The following MPPED2 variants were observed in gnomAD, a reference collection of about 807,000 sequenced individuals.
The protein encoded by MPPED2 is metallophosphoesterase MPPED2.
In MPPED2, 5 loss-of-function variants were observed where a neutral mutation model predicts 33.0. That is an observed-to-expected ratio of 0.15 (90% CI 0.08 to 0.32). The LOEUF is 0.32. Ranked by LOEUF, MPPED2 falls within the 10% of genes least tolerant of loss-of-function variation. The probability of loss-of-function intolerance (pLI) is 1.00; values close to 1 mark genes in which losing one functional copy is unlikely to be tolerated. For missense variants in MPPED2, 275 were observed against 372.1 expected, an observed-to-expected ratio of 0.74 and a Z score of 2.15; for synonymous variants, 136 against 141.9, an observed-to-expected ratio of 0.96 and a Z score of 0.29.
intron 3 of MPPED2, among the ~76,000 whole-genome samples, chr11:30,513,974 C>A (rs935528605): frequency 2.2e-4 from 34 of 152,144 alleles, no homozygotes; most frequent in Non-Finnish European, 4.6e-4. Flanking sequence ...TCTAGGAAGA[C>A]CATAGGCTAC....
At chr11:30,566,317 A>G (rs1005558598) in intron 2 of MPPED2, among the ~76,000 whole-genome samples, 4 of 152,204 alleles carry the variant, frequency 2.6e-5, no homozygotes, top group African/African-American at 9.6e-5. Context: ...AAAGAACAAT[A>G]TAGAAAACCC....
intron 2 of MPPED2, among the ~76,000 whole-genome samples, chr11:30,572,789 A>C (rs940795373): frequency 9.2e-5 from 14 of 152,132 alleles, no homozygotes; most frequent in African/African-American, 2.4e-5. Flanking sequence ...TTCTCTCACC[A>C]CCATATCCCA....
intron 3 of MPPED2, among the ~76,000 whole-genome samples, chr11:30,523,837 A>G (rs1954009379): frequency 6.6e-6 from 1 of 152,160 alleles, no homozygotes; most frequent in Non-Finnish European, 1.5e-5. Context: ...AAGAGGTAAA[A>G]TAAGAAGACC....
chr11:30,427,627 T>C (rs2133825114), intron 4 of MPPED2, among the ~76,000 whole-genome samples: 1 of 118,022 alleles, frequency 8.5e-6, no homozygotes, highest in East Asian at 2.3e-4. Context: ...CATGAAGAGT[T>C]TGTAAGTTCA....
intron 2 of MPPED2, among the ~76,000 whole-genome samples, chr11:30,577,987 G>C (rs1340881037): frequency 2.0e-5 from 3 of 152,288 alleles, no homozygotes; most frequent in African/African-American, 7.2e-5. Context: ...CAGATAGGCA[G>C]ATAGATAGAT....
intron 1 of MPPED2, among the ~76,000 whole-genome samples, chr11:30,583,798 G>A (rs1222733027): frequency 1.3e-5 from 2 of 152,100 alleles, no homozygotes; most frequent in Admixed American, 6.5e-5. Flanking sequence ...TATGAGAAAA[G>A]AGCCCGCGGT....
chr11:30,451,911 T>G, intron 4 of MPPED2: 1 of 985,388 alleles, frequency 1.0e-6, no homozygotes, highest in Non-Finnish European at 1.2e-6. Context: ...GGGCAAGTCA[T>G]TTAACCTTGA....
At chr11:30,550,423 G>A (rs1188607195) in intron 2 of MPPED2, among the ~76,000 whole-genome samples, 1 of 152,196 alleles carries the variant, frequency 6.6e-6, no homozygotes, top group African/African-American at 2.4e-5. Context: ...CAGAGCCAAA[G>A]CCCGTCAGTA....
At chr11:30,509,224 C>T (rs1039267898) in intron 3 of MPPED2, among the ~76,000 whole-genome samples, 2 of 151,902 alleles carry the variant, frequency 1.3e-5, no homozygotes, top group Non-Finnish European at 2.9e-5. Context: ...AGAAGTTGGC[C>T]CACCTGTAGT....
In MPPED2 at chr11:30,495,665, T is replaced by C. The variant is rs141739755; in HGVS notation, c.311-144A>G. 3 of 633,606 alleles carry C rather than the reference T, an allele frequency of 4.7e-6. No homozygotes were observed. The East Asian group carries it at 8.2e-5, about 17-fold the overall frequency. The allele number at this position is 633,606 out of a possible 1,614,324, so 39.2% of individuals were successfully genotyped here. ...ACATTTCCATGTGAACTGGAATTTATGACTACTACTTTATGCTAACAAAAA... is the reference window on the plus strand; with the variant it reads ...ACATTTCCATGTGAACTGGAATTTACGACTACTACTTTATGCTAACAAAAA... On this transcript the variant is annotated intron_variant, in intron 3 of 6. Coordinates refer to ENST00000358117, the MANE Select transcript of MPPED2 (RefSeq NM_001584.3).
rs550566638 is a variant in MPPED2 at position 30,459,342 on chromosome 11, C to T, written c.536+35954G>A. Among the ~76,000 whole-genome samples the T allele has an allele frequency of 2.0e-5, 3 of 152,268 alleles. No homozygotes were observed. The Middle Eastern group carries it at 0.01, about 518-fold the overall frequency. ...GCACATTCATAAAGAAATCCATTTC[C>T]TAAAGTGAGACTTTGCTGCGACCAC... On this transcript the variant is annotated intron_variant, in intron 4 of 6. Transcript: ENST00000358117.
At chr11:30,574,808 CTTG>C (rs1216657395) in intron 2 of MPPED2, among the ~76,000 whole-genome samples, 7 of 152,208 alleles carry the variant, frequency 4.6e-5, no homozygotes, top group South Asian at 2.1e-4. Flanking sequence ...GTGTTACATA[CTTG>C]TTGTAAGAAT....
At chr11:30,585,034 C>T (rs1001997119) in intron 1 of MPPED2, 4 of 152,152 alleles carry the variant, frequency 2.6e-5, no homozygotes, top group Non-Finnish European at 5.9e-5. Flanking sequence ...ATCAACTTCA[C>T]TGGGGCATCC....
At chr11:30,575,379 T>A (rs1956884137) in intron 2 of MPPED2, among the ~76,000 whole-genome samples, 1 of 152,220 alleles carries the variant, frequency 6.6e-6, no homozygotes, top group Non-Finnish European at 1.5e-5. Flanking sequence ...TATGTCATTA[T>A]ATATCATTTC....
chr11:30,386,655 T>A (rs972804537), exon 7 of MPPED2: 7 of 398,294 alleles, frequency 1.8e-5, no homozygotes, highest in African/African-American at 1.2e-4. Flanking sequence ...AGAATTTGGA[T>A]CCCAAATAAA....
chr11:30,438,151 T>A (rs182880074), intron 4 of MPPED2, among the ~76,000 whole-genome samples: 16 of 152,326 alleles, frequency 1.1e-4, no homozygotes, highest in Admixed American at 2.0e-4. Context: ...TATTGAGCCC[T>A]ACTATGTGTC....
exon 7 of MPPED2, chr11:30,388,670 C>G (rs1590146063): frequency 4.5e-6 from 2 of 449,406 alleles, no homozygotes; most frequent in African/African-American, 2.0e-5. Flanking sequence ...AGTCTGTTTC[C>G]TCTTCCAGCA....
intron 6 of MPPED2, among the ~76,000 whole-genome samples, chr11:30,395,900 T>C (rs1457968008): frequency 6.6e-6 from 1 of 152,194 alleles, no homozygotes; most frequent in Non-Finnish European, 1.5e-5. Context: ...CTGGACTCTT[T>C]GGCTTAAACC....
At chr11:30,460,380 A>C (rs906696347) in intron 4 of MPPED2, among the ~76,000 whole-genome samples, 3 of 152,154 alleles carry the variant, frequency 2.0e-5, no homozygotes, top group African/African-American at 7.2e-5. Flanking sequence ...AGTACTTTGG[A>C]AGGCTGAGGT....
Sources: gnomAD v4.1 joint callset for allele counts (sites outside exome capture counted in the v4.1 genomes callset) on GRCh38, gnomAD v4.1.1 for gene constraint, MANE v1.5 for transcripts, NCBI Gene and HGNC (gene_info 2026-07-23, HGNC 2026-07-21) for gene names.